TUBE1: variants seen among roughly 807,000 people sequenced by gnomAD.
TUBE1 encodes the protein tubulin epsilon 1.
Under a neutral mutation model 53.5 loss-of-function variants are expected in TUBE1, and 34 were observed. That is an observed-to-expected ratio of 0.64 (90% CI 0.48 to 0.85). The LOEUF is 0.85. Ranked by LOEUF, TUBE1 falls within the 40% of genes least tolerant of loss-of-function variation. The pLI, the probability that TUBE1 is intolerant of heterozygous loss-of-function variation, is 0.00. For synonymous variants in TUBE1, 177 were observed against 198.4 expected (o/e 0.89, Z 0.91); for missense variants, 532 against 570.5 (o/e 0.93, Z 0.69).
chr6:112,081,552 A>G lies in TUBE1; in HGVS notation c.211-345T>C, dbSNP rs983919168. Among the ~76,000 whole-genome samples the G allele has an allele frequency of 5.9e-5, 9 of 152,254 alleles. No individual in the cohort carries two copies. In the East Asian group the frequency reaches 1.2e-3, roughly 20 times the overall value. ...CAAGTTCTCAATACAGGATGCATGA[A>G]TGTACTTGCATACTAGGAACAATCA... On this transcript the variant is annotated intron_variant, in intron 4 of 11. Transcript: ENST00000368662.
At chr6:112,072,422 T>A (rs1776884405) in intron 10 of TUBE1, among the ~76,000 whole-genome samples, 1 of 152,048 alleles carries the variant, frequency 6.6e-6, no homozygotes, top group Non-Finnish European at 1.5e-5. Context: ...ACAAATAGAA[T>A]GAAATAGTAA....
In TUBE1 at chr6:112,072,905, C is replaced by CA. The variant is rs782817028; in HGVS notation, c.954-8dup. 1.2e-6 allele frequency: 2 copies of CA among 1,611,550 alleles called. No individual in the cohort carries two copies. The highest frequency in any genetic ancestry group is 2.7e-5 in the African/African-American group (2 of 74,820). On this transcript the variant is annotated splice_polypyrimidine_tract_variant and splice_region_variant and intron_variant, in intron 9 of 11. Transcript: ENST00000368662. Reference sequence around the variant, plus strand: ...TGAAAACATCTGATCCAATCTGCAACAATGAAATTGTCATTGTTTATACAA... The same window carrying CA: ...TGAAAACATCTGATCCAATCTGCAACAAATGAAATTGTCATTGTTTATACAA...
At position 112,086,612 on chromosome 6, in the gene TUBE1, A is replaced by G; in HGVS notation, c.100-4T>C. On this transcript the variant is annotated splice_polypyrimidine_tract_variant and splice_region_variant and intron_variant, in intron 2 of 11. Transcript: ENST00000368662. ...TTGCCTCATCATAAATTCCTTTCTA[A>G]AAAGAAAAACATATGTTAATAGCAT... 1.9e-6 allele frequency: 3 copies of G among 1,604,888 alleles called. No individual in the cohort carries two copies. The highest frequency in any genetic ancestry group is 1.7e-4 in the Middle Eastern group (1 of 6,040).
intron 9 of TUBE1, among the ~76,000 whole-genome samples, chr6:112,073,604 A>C (rs1776905143): frequency 6.6e-6 from 1 of 152,196 alleles, no homozygotes; most frequent in Non-Finnish European, 1.5e-5. Flanking sequence ...TCAGCATCCC[A>C]TGCAGAAACG....
In TUBE1 at chr6:112,071,970, T is replaced by C. The variant is rs781992655; in HGVS notation, c.1201A>G (p.Asn401Asp). The part of the protein sequence containing the change: ...GHSHSLLALA[N>D]NTCVKPTFME... ...AAGGTGGGCTTCACACATGTGTTAT[T>C]TGCTAAAGCTAATAACGAATGAGAA... The change falls in exon 11 of 12, where the codon AAT becomes GAT. Residue 401 changes from asparagine to aspartate, a missense_variant. Asn to Asp is a conservative substitution (Grantham distance 23). Coordinates refer to ENST00000368662, the MANE Select transcript of TUBE1 (RefSeq NM_016262.5). 1.2e-6 allele frequency: 2 copies of C among 1,613,050 alleles called. No individual in the cohort carries two copies. Among genetic ancestry groups the C allele is most frequent in the South Asian group, 1.1e-5 (1 of 90,970 alleles).
intron 3 of TUBE1, 63 bp from the exon 4 acceptor site, chr6:112,084,309 GATAAAGTTA>G (rs1185196417): frequency 1.5e-6 from 2 of 1,357,642 alleles, no homozygotes; most frequent in Non-Finnish European, 2.1e-6. Flanking sequence ...ACTATCAGGT[GATAAAGTTA>G]ACTTCCATTT....
In TUBE1 at chr6:112,076,312, C is replaced by CA. The variant is rs1278100032; in HGVS notation, c.636+9dup. The CA allele has an allele frequency of 3.2e-6, 5 of 1,554,026 alleles. No homozygotes were observed. In the African/African-American group the frequency reaches 6.9e-5, roughly 21 times the overall value. Reference sequence around the variant, plus strand: ...AACATTTATTCATAAGTTCCAATGTCATTTCTTACTTGATTGTCAATGGGC... The same window carrying CA: ...AACATTTATTCATAAGTTCCAATGTCAATTTCTTACTTGATTGTCAATGGGC... On this transcript the variant is annotated intron_variant, in intron 7 of 11. Transcript: ENST00000368662.
rs1203241306 is a variant in TUBE1 at position 112,087,075 on chromosome 6, G to A, written c.99+158C>T. 1.9e-5 allele frequency: 13 copies of A among 667,740 alleles called. No homozygotes were observed. The African/African-American group carries it at 2.4e-4, about 12-fold the overall frequency. 41.4% of individuals were successfully genotyped at this position (667,740 alleles called of 1,614,324 possible). On this transcript the variant is annotated intron_variant, in intron 2 of 11. Transcript: ENST00000368662. ...GGCCAGTGTTCTTTTAGTTTAGTGT[G>A]TGTCTGACGCAACATGTTTAAAAAC...
chr6:112,087,329 A>G (rs782792284), intron 1 of TUBE1, 23 bp from the exon 2 acceptor site: 11 of 1,551,898 alleles, frequency 7.1e-6, no homozygotes, highest in Non-Finnish European at 9.6e-6. Flanking sequence ...GAGAGGAAGG[A>G]AAGAGAATAG....
intron 11 of TUBE1, 145 bp from the exon 12 acceptor site, chr6:112,071,715 C>CT: frequency 1.0e-6 from 1 of 965,946 alleles, no homozygotes; most frequent in African/African-American, 1.7e-5. Flanking sequence ...TGAATGAATC[C>CT]TATAAACTCA....
intron 5 of TUBE1, 139 bp from the exon 6 acceptor site, chr6:112,079,893 T>C (rs1247481413): frequency 3.8e-6 from 3 of 782,318 alleles, no homozygotes; most frequent in Non-Finnish European, 5.9e-6. Context: ...TTGTTTCATG[T>C]AAATAAATCA....
rs199763237 is a variant in TUBE1, at chr6:112,074,896, A to T, written c.813-46T>A. The T allele has an allele frequency of 1.1e-4, 145 of 1,367,738 alleles. No homozygotes were observed. In the East Asian group the frequency reaches 1.7e-3, roughly 16 times the overall value. The allele number at this position is 1,367,738 out of a possible 1,614,324, so 84.7% of individuals were successfully genotyped here. A position where few individuals can be genotyped will look rare whatever the true frequency, so the allele number is the denominator to read the frequency against. ...TGAGAAAATTTTTAATTTTAAAATT[A>T]TACACTTTAAATGTAGCTCGATTTA... On this transcript the variant is annotated intron_variant, in intron 8 of 11. Coordinates refer to ENST00000368662, the MANE Select transcript of TUBE1 (RefSeq NM_016262.5).
chr6:112,083,618 C>A (rs587646938), intron 4 of TUBE1, among the ~76,000 whole-genome samples: 2 of 152,138 alleles, frequency 1.3e-5, no homozygotes. Context: ...GCGCCCAGCA[C>A]CTTCCATAAC....
At chr6:112,075,583 A>G (rs587712813) in intron 8 of TUBE1, 1 of 163,940 alleles carries the variant, frequency 6.1e-6, no homozygotes, top group African/African-American at 2.4e-5. Context: ...AAAAAGCCAC[A>G]GAAATCTTTT....
rs140073083 is a variant in TUBE1 at position 112,084,550 on chromosome 6, T to C, written c.153-304A>G. Among the ~76,000 whole-genome samples the C allele has an allele frequency of 4.7e-3, 713 of 152,348 alleles. 6 individuals carry two copies. Among genetic ancestry groups the C allele is most frequent in the African/African-American group, 0.016 (672 of 41,584 alleles). ...AAGGACCAGATGCAGTTGGTGCCTA[T>C]CTTCTTTCTTTTTCCTGCCTCAAAC... On this transcript the variant is annotated intron_variant, in intron 3 of 11. Transcript: ENST00000368662.
intron 6 of TUBE1, chr6:112,079,421 TAAA>T (rs60207053): frequency 1.7e-3 from 516 of 309,986 alleles, no homozygotes; most frequent in East Asian, 2.5e-3. Context: ...GGGCTTACAT[TAAA>T]AAAAAAAAAA....
At chr6:112,082,138 T>A (rs587624074) in intron 4 of TUBE1, among the ~76,000 whole-genome samples, 52 of 152,226 alleles carry the variant, frequency 3.4e-4, no homozygotes, top group African/African-American at 1.0e-3. Context: ...TTCAAGATAT[T>A]ACAATTAAAA....
At chr6:112,084,020 CTAA>C in intron 4 of TUBE1, 166 bp downstream of exon 4, 1 of 607,592 alleles carries the variant, frequency 1.6e-6, no homozygotes, top group Non-Finnish European at 3.0e-6. Context: ...GCTTTTCCCC[CTAA>C]TGTGTTAGGT....
intron 3 of TUBE1, 67 bp downstream of exon 3, chr6:112,086,489 A>G: frequency 8.1e-7 from 1 of 1,238,308 alleles, no homozygotes; most frequent in Non-Finnish European, 1.1e-6. Context: ...TTGTCCTTTG[A>G]AGAATTCTCT....
Sources: allele counts gnomAD v4.1 joint callset (sites outside exome capture counted in the v4.1 genomes callset), GRCh38; gene constraint gnomAD v4.1.1; transcripts MANE v1.5; gene names NCBI Gene and HGNC (gene_info 2026-07-23, HGNC 2026-07-21).